BMAL1: variants seen among roughly 807,000 people sequenced by gnomAD.
BMAL1 encodes basic helix-loop-helix ARNT-like protein 1.
the BMAL1 span, chr11:13,372,284 C>A: frequency 2.5e-6 from 4 of 1,614,054 alleles, no homozygotes; most frequent in Non-Finnish European, 3.4e-6. Context: ...TCAGCTGCCT[C>A]GTCGCAATTG....
chr11:13,355,386 C>T, the BMAL1 span: 3 of 1,244,962 alleles, frequency 2.4e-6, no homozygotes, highest in Non-Finnish European at 2.4e-6. Context: ...ATAGCAGTAA[C>T]TCCCCAGCAG....
At chr11:13,286,103 T>G in the BMAL1 span, among the ~76,000 whole-genome samples, 2 of 152,290 alleles carry the variant, frequency 1.3e-5, no homozygotes, top group East Asian at 3.9e-4. Context: ...AGTGATGTAG[T>G]TTCTAGGCGA....
At chr11:13,294,370 A>T in the BMAL1 span, among the ~76,000 whole-genome samples, 1 of 149,146 alleles carries the variant, frequency 6.7e-6, no homozygotes, top group African/African-American at 2.5e-5. Context: ...GGTGACTTTT[A>T]TTCTCATCTC....
the BMAL1 span, among the ~76,000 whole-genome samples, chr11:13,344,824 C>T: frequency 1.3e-5 from 2 of 152,208 alleles, no homozygotes; most frequent in African/African-American, 4.8e-5. Context: ...CCTCTACAGA[C>T]ATCAGGGCAG....
chr11:13,308,879 A>G, the BMAL1 span, among the ~76,000 whole-genome samples: 1 of 152,130 alleles, frequency 6.6e-6, no homozygotes, highest in Admixed American at 6.6e-5. Flanking sequence ...TTGTGTGTTC[A>G]TTCATTTGGC....
At chr11:13,376,557 C>T in the BMAL1 span, 2 of 1,318,928 alleles carry the variant, frequency 1.5e-6, no homozygotes, top group South Asian at 1.2e-5. Flanking sequence ...CCAGAGTGGA[C>T]ACCGGACACC....
chr11:13,358,332 T>A, the BMAL1 span: 1 of 1,283,060 alleles, frequency 7.8e-7, no homozygotes, highest in Non-Finnish European at 1.0e-6. Context: ...ATTTGCCTTG[T>A]CAGATGAACA....
chr11:13,295,055 G>A, the BMAL1 span, among the ~76,000 whole-genome samples: 1 of 152,220 alleles, frequency 6.6e-6, no homozygotes, highest in Non-Finnish European at 1.5e-5. Flanking sequence ...AAGGGCTAGG[G>A]GTGCTGAGCT....
chr11:13,334,690 A>AC, the BMAL1 span, among the ~76,000 whole-genome samples: 1 of 152,230 alleles, frequency 6.6e-6, no homozygotes, highest in Non-Finnish European at 1.5e-5. Context: ...GTCTCAGAGA[A>AC]CAACTCCAGC....
the BMAL1 span, chr11:13,277,711 A>AGC: frequency 9.1e-6 from 1 of 109,308 alleles, no homozygotes; most frequent in Admixed American, 8.6e-5. Context: ...TGGGCGGGGA[A>AGC]GGGGGGTTGG....
the BMAL1 span, among the ~76,000 whole-genome samples, chr11:13,315,922 C>T: frequency 1.9e-3 from 285 of 152,310 alleles, no homozygotes; most frequent in Non-Finnish European, 3.1e-3. Flanking sequence ...TCACTGAGTG[C>T]GTGCATGGGG....
chr11:13,292,407 C>T, the BMAL1 span, among the ~76,000 whole-genome samples: 2 of 151,654 alleles, frequency 1.3e-5, no homozygotes, highest in African/African-American at 2.4e-5. Flanking sequence ...ATTACCTGGG[C>T]GTAGTGGCGG....
the BMAL1 span, among the ~76,000 whole-genome samples, chr11:13,355,582 C>T: frequency 2.0e-5 from 3 of 152,180 alleles, no homozygotes; most frequent in East Asian, 1.9e-4. Context: ...AATTAAGCAA[C>T]CTTAATCCCT....
the BMAL1 span, chr11:13,355,273 A>T: frequency 6.2e-7 from 1 of 1,613,930 alleles, no homozygotes; most frequent in Non-Finnish European, 8.5e-7. Flanking sequence ...TCAGATGCCC[A>T]CTAGGAGATG....
the BMAL1 span, chr11:13,381,101 A>G: frequency 6.4e-7 from 1 of 1,561,124 alleles, no homozygotes; most frequent in East Asian, 2.2e-5. Context: ...TTTACCCCTT[A>G]ACAAAGCACA....
chr11:13,350,541 G>T, the BMAL1 span, among the ~76,000 whole-genome samples: 1 of 152,158 alleles, frequency 6.6e-6, no homozygotes, highest in African/African-American at 2.4e-5. Context: ...GTATAGTACT[G>T]TGATGGAAAT....
chr11:13,303,583 G>A, the BMAL1 span, among the ~76,000 whole-genome samples: 6 of 152,200 alleles, frequency 3.9e-5, no homozygotes, highest in Non-Finnish European at 8.8e-5. Flanking sequence ...TTCCAAAGTG[G>A]CTGCTCCTGG....
the BMAL1 span, among the ~76,000 whole-genome samples, chr11:13,363,236 G>C: frequency 6.7e-6 from 1 of 149,284 alleles, no homozygotes; most frequent in Non-Finnish European, 1.5e-5. Context: ...AGCTCCTTTT[G>C]CAGTGGCACG....
At chr11:13,315,537 A>G in the BMAL1 span, among the ~76,000 whole-genome samples, 1 of 152,152 alleles carries the variant, frequency 6.6e-6, no homozygotes. Context: ...TGAGGCCTCG[A>G]CCCATTGAGT....
Sources: allele counts gnomAD v4.1 joint callset (sites outside exome capture counted in the v4.1 genomes callset), GRCh38; gene constraint gnomAD v4.1.1; transcripts MANE v1.5; gene names NCBI Gene and HGNC (gene_info 2026-07-23, HGNC 2026-07-21).